The following ATOSA variants were observed in gnomAD, a reference collection of about 807,000 sequenced individuals.
The protein encoded by ATOSA is atos homolog protein A.
chr15:52,639,596 G>GA, the ATOSA span, among the ~76,000 whole-genome samples: 3 of 152,140 alleles, frequency 2.0e-5, no homozygotes, highest in East Asian at 1.9e-4. Flanking sequence ...GAAAATAGCT[G>GA]AAAAAACAGT....
chr15:52,641,703 T>C, the ATOSA span, among the ~76,000 whole-genome samples: 4 of 152,204 alleles, frequency 2.6e-5, no homozygotes, highest in Non-Finnish European at 5.9e-5. Context: ...GATGGAAAAT[T>C]ATAATTGTAA....
At chr15:52,606,039 G>A in the ATOSA span, among the ~76,000 whole-genome samples, 28 of 152,026 alleles carry the variant, frequency 1.8e-4, no homozygotes, top group African/African-American at 6.5e-4. Context: ...GTATCTTATT[G>A]TACTGTACTC....
the ATOSA span, among the ~76,000 whole-genome samples, chr15:52,628,257 T>C: frequency 7.9e-5 from 12 of 152,226 alleles, no homozygotes; most frequent in African/African-American, 2.9e-4. Context: ...ATTTTAAGAC[T>C]AATAGTATTT....
the ATOSA span, among the ~76,000 whole-genome samples, chr15:52,703,209 A>C: frequency 6.6e-6 from 1 of 152,202 alleles, no homozygotes; most frequent in Non-Finnish European, 1.5e-5. Flanking sequence ...CTAATCCAAA[A>C]TAACAAAAAG....
chr15:52,605,613 T>A, the ATOSA span, among the ~76,000 whole-genome samples: 1 of 152,238 alleles, frequency 6.6e-6, no homozygotes, highest in Non-Finnish European at 1.5e-5. Flanking sequence ...TGTATCTACA[T>A]CTTATGTTTA....
chr15:52,603,053 T>C, the ATOSA span, among the ~76,000 whole-genome samples: 24 of 152,206 alleles, frequency 1.6e-4, no homozygotes, highest in Non-Finnish European at 1.9e-4. Context: ...CAGAAGTCTG[T>C]GGTGCTTTTT....
chr15:52,660,903 C>T, the ATOSA span, among the ~76,000 whole-genome samples: 2 of 152,204 alleles, frequency 1.3e-5, no homozygotes, highest in African/African-American at 2.4e-5. Context: ...ATCCACCCGC[C>T]TTGGTCTCCC....
At chr15:52,601,126 C>A in the ATOSA span, 1 of 1,543,622 alleles carries the variant, frequency 6.5e-7, no homozygotes. Flanking sequence ...AATGAAGAAT[C>A]CAGATCAAAG....
the ATOSA span, chr15:52,587,017 G>A: frequency 1.3e-6 from 2 of 1,538,316 alleles, no homozygotes; most frequent in Non-Finnish European, 1.7e-6. Flanking sequence ...GGCAGAGCAG[G>A]GGAACTCCAA....
chr15:52,650,908 A>G, the ATOSA span, among the ~76,000 whole-genome samples: 3 of 152,236 alleles, frequency 2.0e-5, no homozygotes, highest in Admixed American at 6.5e-5. Context: ...GCTAAATCAC[A>G]TATGTAAACT....
the ATOSA span, among the ~76,000 whole-genome samples, chr15:52,676,901 T>C: frequency 6.6e-6 from 1 of 152,188 alleles, no homozygotes; most frequent in Non-Finnish European, 1.5e-5. Flanking sequence ...AAATCTAAAC[T>C]TGGCATTCTA....
chr15:52,613,555 T>C, the ATOSA span: 13 of 1,227,958 alleles, frequency 1.1e-5, no homozygotes, highest in Admixed American at 2.7e-5. Flanking sequence ...TTTCCCTTTA[T>C]GATTATGATC....
chr15:52,618,728 A>G, the ATOSA span, among the ~76,000 whole-genome samples: 1 of 152,134 alleles, frequency 6.6e-6, no homozygotes, highest in Non-Finnish European at 1.5e-5. Context: ...TTTGTTGCCC[A>G]GGTTGGAGTG....
At chr15:52,700,425 ATGT>A in the ATOSA span, among the ~76,000 whole-genome samples, 1 of 152,100 alleles carries the variant, frequency 6.6e-6, no homozygotes, top group Non-Finnish European at 1.5e-5. Context: ...CCTGTGAAAA[ATGT>A]TGTAAGCTTA....
At chr15:52,595,885 A>G in the ATOSA span, among the ~76,000 whole-genome samples, 70 of 148,232 alleles carry the variant, frequency 4.7e-4, no homozygotes, top group Non-Finnish European at 9.9e-4. Flanking sequence ...TGAGGTGAGT[A>G]GACTGCTTGA....
chr15:52,592,873 TGTG>T, the ATOSA span, among the ~76,000 whole-genome samples: 1 of 152,088 alleles, frequency 6.6e-6, no homozygotes, highest in Non-Finnish European at 1.5e-5. Flanking sequence ...TTAGGCCAGT[TGTG>T]GTGGCTCATG....
the ATOSA span, among the ~76,000 whole-genome samples, chr15:52,666,491 T>A: frequency 6.6e-6 from 1 of 152,202 alleles, no homozygotes; most frequent in African/African-American, 2.4e-5. Flanking sequence ...AACATCTCAT[T>A]TGATCCCCCA....
chr15:52,660,658 T>G, the ATOSA span, among the ~76,000 whole-genome samples: 3 of 152,214 alleles, frequency 2.0e-5, no homozygotes, highest in African/African-American at 7.2e-5. Flanking sequence ...TACTATTTTC[T>G]TTTCTTTTTT....
the ATOSA span, among the ~76,000 whole-genome samples, chr15:52,616,198 G>A: frequency 6.6e-6 from 1 of 152,240 alleles, no homozygotes; most frequent in African/African-American, 2.4e-5. Context: ...CAGTAGTTGA[G>A]TAGGGGTATG....
Sources: allele counts gnomAD v4.1 joint callset (sites outside exome capture counted in the v4.1 genomes callset), GRCh38; gene constraint gnomAD v4.1.1; transcripts MANE v1.5; gene names NCBI Gene and HGNC (gene_info 2026-07-23, HGNC 2026-07-21).